Variants in LRRC18 observed in about 807,000 individuals in gnomAD.
LRRC18 encodes the protein leucine-rich repeat-containing protein 18.
In LRRC18, 12 loss-of-function variants were observed where a neutral mutation model predicts 11.2. The ratio of observed to expected loss-of-function variants is 1.07; its 90% CI spans 0.69 to 1.74. The LOEUF (loss-of-function observed/expected upper bound fraction) is 1.74. Among genes scored for constraint, LRRC18 ranks in the 40% most tolerant of loss-of-function variants. The pLI is 0.00. For synonymous variants in LRRC18, 155 were observed against 130.6 expected (o/e 1.19, Z -1.27); for missense variants, 374 against 330.5 (o/e 1.13, Z -1.02).
chr10:48,938,498 G>T, the LRRC18 span, among the ~76,000 whole-genome samples: 1 of 152,278 alleles, frequency 6.6e-6, no homozygotes, highest in Non-Finnish European at 1.5e-5. Flanking sequence ...TGGAGGAAGA[G>T]CTCTTGGAAC....
upstream of LRRC18, among the ~76,000 whole-genome samples, chr10:48,916,314 G>T (rs1838526463): frequency 6.6e-6 from 1 of 152,226 alleles, no homozygotes; most frequent in Admixed American, 6.5e-5. Flanking sequence ...CCAAGGAACA[G>T]GAAATGGATT....
chr10:48,917,631 C>T (rs777057270), upstream of LRRC18, among the ~76,000 whole-genome samples: 1 of 152,208 alleles, frequency 6.6e-6, no homozygotes, highest in Non-Finnish European at 1.5e-5. Flanking sequence ...TCAACCCAGA[C>T]TGTGACAGTA....
exon 1 of LRRC18, chr10:48,913,907 G>A: frequency 6.2e-7 from 1 of 1,614,172 alleles, no homozygotes; most frequent in Non-Finnish European, 8.5e-7. Flanking sequence ...TGTCTATGTA[G>A]TTGCTGTGCA....
At chr10:48,911,563 T>C (rs1838005902) in intron 1 of LRRC18, among the ~76,000 whole-genome samples, 1 of 152,234 alleles carries the variant, frequency 6.6e-6, no homozygotes, top group South Asian at 2.1e-4. Flanking sequence ...TCCACAAGAA[T>C]AACTATCTTG....
chr10:48,935,569 G>A, the LRRC18 span, among the ~76,000 whole-genome samples: 6 of 152,184 alleles, frequency 3.9e-5, no homozygotes, highest in African/African-American at 1.4e-4. Context: ...CCCTTTCTTC[G>A]AATTTGTGCA....
At chr10:48,938,915 TCCGCCTGTGCTAGGCCCAATAAGG>T in the LRRC18 span, among the ~76,000 whole-genome samples, 2 of 152,198 alleles carry the variant, frequency 1.3e-5, no homozygotes, top group Admixed American at 1.3e-4. Flanking sequence ...CCCCTGTATG[TCCGCCTGTGCTAGGCCCAATAAGG>T]CCAGGCCGGG....
At chr10:48,926,494 C>A in the LRRC18 span, among the ~76,000 whole-genome samples, 2 of 152,278 alleles carry the variant, frequency 1.3e-5, no homozygotes, top group South Asian at 4.1e-4. Context: ...AGAGAGGCAG[C>A]CTTAGCCAAA....
chr10:48,916,938 T>C (rs2133544498), upstream of LRRC18, among the ~76,000 whole-genome samples: 1 of 152,082 alleles, frequency 6.6e-6, no homozygotes, highest in East Asian at 1.9e-4. Flanking sequence ...AATGATGTTT[T>C]GGTCAATGAC....
chr10:48,931,370 G>C, the LRRC18 span, among the ~76,000 whole-genome samples: 64 of 152,298 alleles, frequency 4.2e-4, no homozygotes, highest in Non-Finnish European at 8.1e-4. Context: ...CACTGAGAGT[G>C]GGGGAGGAGC....
At chr10:48,928,501 A>T in the LRRC18 span, among the ~76,000 whole-genome samples, 1 of 151,772 alleles carries the variant, frequency 6.6e-6, no homozygotes, top group African/African-American at 2.4e-5. Flanking sequence ...CCCTATTCAG[A>T]CCCTGCAGCC....
At chr10:48,915,332 A>G (rs186234420), upstream of LRRC18, among the ~76,000 whole-genome samples, 1 of 152,246 alleles carries the variant, frequency 6.6e-6, no homozygotes, top group East Asian at 1.9e-4. Flanking sequence ...GAAGGTCTGC[A>G]GCCAGGAAGA....
At chr10:48,932,895 G>A in the LRRC18 span, among the ~76,000 whole-genome samples, 1 of 152,184 alleles carries the variant, frequency 6.6e-6, no homozygotes, top group South Asian at 2.1e-4. Flanking sequence ...AGAACTGACA[G>A]GAAGAGGGTG....
chr10:48,928,144 G>A, the LRRC18 span, among the ~76,000 whole-genome samples: 123 of 152,296 alleles, frequency 8.1e-4, no homozygotes, highest in African/African-American at 2.9e-3. Context: ...TAGGAAACTG[G>A]GTCTCAGAGA....
At chr10:48,935,383 G>A in the LRRC18 span, among the ~76,000 whole-genome samples, 67 of 152,364 alleles carry the variant, frequency 4.4e-4, no homozygotes, top group African/African-American at 1.5e-3. Flanking sequence ...CACCCCCTGT[G>A]ATTCCTGCAG....
At chr10:48,938,564 G>T in the LRRC18 span, among the ~76,000 whole-genome samples, 3 of 152,356 alleles carry the variant, frequency 2.0e-5, no homozygotes, top group Non-Finnish European at 4.4e-5. Context: ...TTTCAGGGTA[G>T]GGTGGAGGTG....
chr10:48,910,228 A>G, exon 2 of LRRC18: 1 of 1,607,672 alleles, frequency 6.2e-7, no homozygotes, highest in Non-Finnish European at 8.5e-7. Flanking sequence ...AGATTTTGCC[A>G]CAGCTACTCT....
the LRRC18 span, among the ~76,000 whole-genome samples, chr10:48,930,280 T>C: frequency 6.6e-6 from 1 of 152,222 alleles, no homozygotes; most frequent in Non-Finnish European, 1.5e-5. Flanking sequence ...TTCCAGAATA[T>C]GAATATGTTT....
At chr10:48,932,933 G>A in the LRRC18 span, among the ~76,000 whole-genome samples, 21 of 152,148 alleles carry the variant, frequency 1.4e-4, no homozygotes, top group Non-Finnish European at 2.6e-4. Flanking sequence ...AGGGGAGGGC[G>A]AAGAGCTGAG....
chr10:48,913,849 C>T lies in LRRC18; in HGVS notation c.307G>A (p.Val103Ile), dbSNP rs776062643. The T allele has an allele frequency of 1.8e-5, 29 of 1,613,944 alleles. No individual in the cohort carries two copies. Among genetic ancestry groups the T allele is most frequent in the South Asian group, 8.8e-5 (8 of 91,058 alleles). ...TTGCTGGTCAGCCGGTTGTTGCTGA[C>T]GTTGAGGTAGAGCAGGCTGGTCATC... The change falls in exon 1 of 2, where the codon GTC (valine) becomes ATC (isoleucine). Residue 103 changes from valine to isoleucine, a missense_variant. Val to Ile is a conservative substitution (Grantham distance 29). Coordinates refer to ENST00000374160, the Ensembl canonical transcript of LRRC18.
Sources: allele counts gnomAD v4.1 joint callset (sites outside exome capture counted in the v4.1 genomes callset), GRCh38; gene constraint gnomAD v4.1.1; transcripts MANE v1.5; gene names NCBI Gene and HGNC (gene_info 2026-07-23, HGNC 2026-07-21).